The following GIGYF2 variants were observed in gnomAD, a reference collection of about 807,000 sequenced individuals.
The protein encoded by GIGYF2 is GRB10-interacting GYF protein 2.
Under a neutral mutation model 208.1 loss-of-function variants are expected in GIGYF2, and 25 were observed. That is an observed-to-expected ratio of 0.12 (90% CI 0.09 to 0.17). The LOEUF is 0.17. Among genes scored for constraint, GIGYF2 ranks in the 10% least tolerant of loss-of-function variants. GIGYF2 has a pLI of 1.00. For synonymous variants in GIGYF2, 534 were observed against 543.8 expected, an observed-to-expected ratio of 0.98 and a Z score of 0.25; for missense variants, 1,302 against 1,579.4, an observed-to-expected ratio of 0.82 and a Z score of 2.98.
intron 8 of GIGYF2, among the ~76,000 whole-genome samples, chr2:232,775,489 A>T (rs1345844598): frequency 6.6e-6 from 1 of 152,220 alleles, no homozygotes; most frequent in African/African-American, 2.4e-5. Context: ...CGTATGGTTT[A>T]AAAAATTATA....
chr2:232,856,496 A>C (rs531052078), intron 28 of GIGYF2, among the ~76,000 whole-genome samples: 2 of 152,032 alleles, frequency 1.3e-5, no homozygotes, highest in African/African-American at 4.8e-5. Flanking sequence ...TCAAGACCAG[A>C]CTGGCCAACA....
rs1451509260 is a variant in GIGYF2 at position 232,790,925 on chromosome 2, G to A, written c.930+10G>A. 20 of 1,613,006 alleles carry A rather than the reference G, an allele frequency of 1.2e-5. No individual in the cohort carries two copies. The highest frequency in any genetic ancestry group is 1.7e-5 in the Non-Finnish European group (20 of 1,178,994). On this transcript the variant is annotated intron_variant, in intron 10 of 28. Transcript: ENST00000373563. ...ATTCCTTTCTCTAAAAGTAAGAAACGTGTTTTAAATGTCATGACCAGCATT... is the reference window on the plus strand; with the variant it reads ...ATTCCTTTCTCTAAAAGTAAGAAACATGTTTTAAATGTCATGACCAGCATT...
Position 232,858,828 on chromosome 2 carries a change from A to G in GIGYF2, c.*1968A>G, listed in dbSNP as rs1470765230. 1 of 293,522 alleles carries G rather than the reference A, an allele frequency of 3.4e-6. No homozygotes were observed. Among genetic ancestry groups the G allele is most frequent in the Admixed American group, 4.6e-5 (1 of 21,766 alleles). 18.2% of individuals were successfully genotyped at this position (293,522 alleles called of 1,614,324 possible). A position where few individuals can be genotyped will look rare whatever the true frequency, so the allele number is the denominator to read the frequency against. ...CAGATGTCGGTAAGTTTGACCAAAT[A>G]TCTTTTCTCTTTTTGACTCTCCCTT... is the stretch of plus-strand genomic sequence containing the variant. On this transcript the variant is annotated 3_prime_UTR_variant, in exon 29 of 29. Coordinates refer to ENST00000373563, the MANE Select transcript of GIGYF2 (RefSeq NM_001103146.3).
intron 8 of GIGYF2, among the ~76,000 whole-genome samples, chr2:232,772,652 A>T (rs1031456117): frequency 6.6e-6 from 1 of 152,190 alleles, no homozygotes; most frequent in Non-Finnish European, 1.5e-5. Context: ...AGTTACTAGG[A>T]ACAGAACAGG....
At chr2:232,771,421 G>T in intron 8 of GIGYF2, 1 of 1,280,966 alleles carries the variant, frequency 7.8e-7, no homozygotes, top group Non-Finnish European at 1.1e-6. Flanking sequence ...CTGTTTTATA[G>T]TTAATGTTTG....
intron 3 of GIGYF2, 80 bp from the exon 4 acceptor site, chr2:232,747,535 G>T: frequency 6.7e-7 from 1 of 1,489,256 alleles, no homozygotes; most frequent in Non-Finnish European, 9.3e-7. Flanking sequence ...GAACTAAAAT[G>T]AATTTTTTTT....
chr2:232,845,782 A>T lies in GIGYF2; in HGVS notation c.3356A>T (p.Glu1119Val). The change falls in exon 26 of 29, where the codon GAA becomes GTA. Residue 1119 changes from glutamate (E) to valine (V), a missense_variant. Physicochemically the swap from Glu to Val is moderately radical, Grantham distance 121. This residue lies in a region of GIGYF2 where 701 missense variants were observed against 793.0 expected (regional missense o/e 0.88). Coordinates refer to ENST00000373563, the MANE Select transcript of GIGYF2 (RefSeq NM_001103146.3). The part of the protein sequence containing the change: ...NRQNKKVEEE[E>V]KLLKLFQGVN... ...CAGAATAAGAAAGTAGAAGAAGAAG[A>T]AAAGTTGCTGAAGCTCTTTCAGGGA... 1 of 1,612,212 alleles carries T rather than the reference A, an allele frequency of 6.2e-7. No individual in the cohort carries two copies. Among genetic ancestry groups the T allele is most frequent in the Non-Finnish European group, 8.5e-7 (1 of 1,178,192 alleles).
chr2:232,850,883 A>C (rs538829321), intron 28 of GIGYF2, among the ~76,000 whole-genome samples: 7 of 152,240 alleles, frequency 4.6e-5, no homozygotes, highest in African/African-American at 1.7e-4. Flanking sequence ...ATGAGGTGAC[A>C]TACCAGTTTC....
At chr2:232,765,119 A>G (rs1211058090) in intron 8 of GIGYF2, among the ~76,000 whole-genome samples, 2 of 152,184 alleles carry the variant, frequency 1.3e-5, no homozygotes, top group African/African-American at 2.4e-5. Context: ...ACTTTGATTG[A>G]ATGCTTTTTG....
chr2:232,735,774 C>T, intron 3 of GIGYF2: 2 of 985,190 alleles, frequency 2.0e-6, no homozygotes, highest in Middle Eastern at 5.2e-4. Flanking sequence ...TGTGTTTGGA[C>T]CCCGAATATG....
At chr2:232,832,489 A>C (rs1440373192) in intron 21 of GIGYF2, among the ~76,000 whole-genome samples, 1 of 152,184 alleles carries the variant, frequency 6.6e-6, no homozygotes, top group Non-Finnish European at 1.5e-5. Context: ...CAGCATTCTT[A>C]AAAGGTATTG....
chr2:232,852,893 T>C (rs73106355), intron 28 of GIGYF2, among the ~76,000 whole-genome samples: 12,065 of 152,276 alleles, frequency 0.079, 601 homozygotes, highest in East Asian at 0.17. Context: ...CTTCTATTTA[T>C]AGATCTAAGA....
rs1461119684 is a variant in GIGYF2, at chr2:232,720,590, T to TTTTTG, written c.-43-14563_-43-14562insTTGTT. 2.1e-5 allele frequency among the ~76,000 whole-genome samples: 3 copies of TTTTTG among 142,440 alleles called. No individual in the cohort carries two copies. The South Asian group carries it at 7.0e-4, about 33-fold the overall frequency. 93.4% of individuals were successfully genotyped at this position (142,440 alleles called of 152,430 possible). On this transcript the variant is annotated intron_variant, in intron 2 of 28. Transcript: ENST00000373563. The stretch of plus-strand genomic sequence containing the variant: ...ATATATATATATATATATATTTTTG[T>TTTTTG]TTGTTTGTTTGTTTGTTTGTTTGAG...
intron 8 of GIGYF2, among the ~76,000 whole-genome samples, chr2:232,784,946 C>T (rs1487939346): frequency 1.3e-5 from 2 of 152,100 alleles, no homozygotes; most frequent in Non-Finnish European, 2.9e-5. Flanking sequence ...CTTGCTCCCT[C>T]TCTCACCATG....
intron 20 of GIGYF2, among the ~76,000 whole-genome samples, chr2:232,817,889 T>A (rs1423547655): frequency 6.6e-6 from 1 of 152,194 alleles, no homozygotes; most frequent in Non-Finnish European, 1.5e-5. Flanking sequence ...TTCCTAGAAG[T>A]GGAGTTGCTG....
At chr2:232,698,046 C>T (rs1190703479) in intron 1 of GIGYF2, among the ~76,000 whole-genome samples, 1 of 152,138 alleles carries the variant, frequency 6.6e-6, no homozygotes, top group East Asian at 1.9e-4. Context: ...GCCTTGGGGA[C>T]CCAAATGTTC....
chr2:232,735,734 C>G (rs532378300), intron 3 of GIGYF2: 1 of 985,690 alleles, frequency 1.0e-6, no homozygotes, highest in Non-Finnish European at 1.2e-6. Flanking sequence ...GACATAATAA[C>G]GATTAATTGA....
intron 5 of GIGYF2, among the ~76,000 whole-genome samples, chr2:232,750,777 G>C (rs1006327216): frequency 2.3e-4 from 35 of 151,636 alleles, no homozygotes; most frequent in African/African-American, 8.2e-4. Context: ...GTGTGTGTGT[G>C]TATTTTTTGT....
chr2:232,831,423 A>G (rs868606855), intron 21 of GIGYF2, among the ~76,000 whole-genome samples: 6 of 152,368 alleles, frequency 3.9e-5, no homozygotes, highest in Middle Eastern at 3.4e-3. Flanking sequence ...TAGTTAATGT[A>G]CTACATGCCA....
Sources: gnomAD v4.1 joint callset for allele counts (sites outside exome capture counted in the v4.1 genomes callset) on GRCh38, gnomAD v4.1.1 for gene constraint, gnomAD v4.1.1 regional missense constraint, MANE v1.5 for transcripts, NCBI Gene and HGNC (gene_info 2026-07-23, HGNC 2026-07-21) for gene names.